Variants in DMD observed in about 807,000 individuals in gnomAD.
DMD encodes mutant dystrophin.
In DMD, 63 loss-of-function variants were observed where a neutral mutation model predicts 330.1. The observed-to-expected ratio is 0.19, with a 90% CI of 0.16 to 0.24. The LOEUF is 0.24. Ranked by LOEUF, DMD falls within the 10% of genes least tolerant of loss-of-function variation. The pLI is 1.00. For synonymous variants in DMD, 1,223 were observed against 959.8 expected (o/e 1.27, Z -5.07); for missense variants, 3,344 against 2,684.1 (o/e 1.25, Z -5.43).
chrX:32,147,029 T>C (rs113884955), intron 44 of DMD, among the ~76,000 whole-genome samples: 1 of 112,083 alleles, frequency 8.9e-6, no homozygotes, highest in African/African-American at 3.2e-5. Context: ...AAATAAATTA[T>C]CGTTTAATTT....
At chrX:32,319,145 T>G (rs1382734036) in intron 41 of DMD, among the ~76,000 whole-genome samples, 1 of 111,700 alleles carries the variant, frequency 9.0e-6, no homozygotes, top group Non-Finnish European at 1.9e-5. Flanking sequence ...CATAAATTAG[T>G]AACTTGATAA....
intron 7 of DMD, among the ~76,000 whole-genome samples, chrX:32,775,435 G>C (rs780322950): frequency 8.9e-6 from 1 of 112,918 alleles, no homozygotes; most frequent in South Asian, 3.6e-4. Flanking sequence ...ACTTCTACCT[G>C]AACATCCAGG....
At chrX:32,722,015 T>A (rs1203653863) in intron 7 of DMD, among the ~76,000 whole-genome samples, 1 of 110,712 alleles carries the variant, frequency 9.0e-6, no homozygotes, top group East Asian at 2.8e-4. Context: ...CATCAGTTTA[T>A]GTGTCTGTTT....
chrX:32,284,837 T>C (rs751837975), intron 43 of DMD, among the ~76,000 whole-genome samples: 1 of 112,148 alleles, frequency 8.9e-6, no homozygotes, highest in Non-Finnish European at 1.9e-5. Context: ...CCAATTCCTA[T>C]AGAATGTCAA....
At chrX:32,385,921 C>A (rs943890733) in intron 33 of DMD, among the ~76,000 whole-genome samples, 2 of 109,568 alleles carry the variant, frequency 1.8e-5, no homozygotes, top group East Asian at 5.7e-4. Flanking sequence ...ATAATATTTA[C>A]CAGTCTTCAA....
chrX:32,313,119 G>T (rs2097570484), intron 41 of DMD, among the ~76,000 whole-genome samples: 1 of 107,266 alleles, frequency 9.3e-6, no homozygotes, highest in South Asian at 4.2e-4. Flanking sequence ...ACCAAAACCT[G>T]GCAAAGACAC....
At chrX:32,376,468 T>C (rs1325961051) in intron 34 of DMD, among the ~76,000 whole-genome samples, 3 of 111,125 alleles carry the variant, frequency 2.7e-5, no homozygotes, top group Non-Finnish European at 5.6e-5. Context: ...ATGATAGTTG[T>C]GATGGGACCT....
chrX:33,123,990 C>T (rs897683559), intron 1 of DMD, among the ~76,000 whole-genome samples: 4 of 106,336 alleles, frequency 3.8e-5, no homozygotes, highest in African/African-American at 1.4e-4. Context: ...CATGGTGAAA[C>T]CCTGTCTCTA....
intron 41 of DMD, among the ~76,000 whole-genome samples, chrX:32,325,519 A>T: frequency 8.9e-6 from 1 of 111,852 alleles, no homozygotes; most frequent in Admixed American, 9.5e-5. Flanking sequence ...TCCCAATATT[A>T]TGGAAGCATA....
chrX:31,728,834 G>A lies in DMD; in HGVS notation c.7660+797C>T, dbSNP rs2086279319. On this transcript the variant is annotated intron_variant, in intron 52 of 78. Coordinates refer to ENST00000357033, the MANE Select transcript of DMD (RefSeq NM_004006.3). ...GCAAGAAAATTCAATACCAGTGTGT[G>A]TCCCTGGAGGGAAGGAAGGTAGAGA... 4.5e-5 allele frequency among the ~76,000 whole-genome samples: 5 copies of A among 111,758 alleles called. No homozygotes were observed. In the Admixed American group the frequency reaches 4.8e-4, roughly 11 times the overall value.
intron 50 of DMD, among the ~76,000 whole-genome samples, chrX:31,801,587 C>A (rs1312016966): frequency 1.3e-5 from 1 of 78,251 alleles, no homozygotes; most frequent in Non-Finnish European, 2.5e-5. Context: ...TCATCCCCCC[C>A]CCCCAACACA....
intron 54 of DMD, among the ~76,000 whole-genome samples, chrX:31,642,947 T>C (rs2079859352): frequency 8.9e-6 from 1 of 112,241 alleles, no homozygotes; most frequent in African/African-American, 3.2e-5. Context: ...TTGCGGTGTA[T>C]ATCAAATTGT....
chrX:32,268,116 G>C (rs1220847937), intron 43 of DMD, among the ~76,000 whole-genome samples: 1 of 111,208 alleles, frequency 9.0e-6, no homozygotes, highest in Admixed American at 9.6e-5. Flanking sequence ...AGAGTGACCA[G>C]CTGGATAGGG....
At chrX:31,410,071 C>T (rs1408069523) in intron 60 of DMD, among the ~76,000 whole-genome samples, 1 of 112,339 alleles carries the variant, frequency 8.9e-6, no homozygotes. Flanking sequence ...CTGCCCACCT[C>T]AGCCTCCCAA....
Position 32,992,760 on chromosome X carries a change from G to A in DMD, c.93+27379C>T, listed in dbSNP as rs192665117. 1.5e-3 allele frequency among the ~76,000 whole-genome samples: 166 copies of A among 109,510 alleles called. 1 individual carries two copies. Among genetic ancestry groups the A allele is most frequent in the African/African-American group, 5.2e-3 (155 of 30,063 alleles). ...CGTCTCTACTAAAATACAAAAATTA[G>A]CTGGGCATGGTGGCAGGTGCCTGTA... On this transcript the variant is annotated intron_variant, in intron 2 of 78. Coordinates refer to ENST00000357033, the MANE Select transcript of DMD (RefSeq NM_004006.3).
chrX:32,107,364 GTGTGTGTGTC>G (rs1267905906), intron 44 of DMD, among the ~76,000 whole-genome samples: 1,112 of 93,822 alleles, frequency 0.012, 14 homozygotes, highest in African/African-American at 0.05. Context: ...GTGTGTGTGT[GTGTGTGTGTC>G]TCTGTGTGTG....
chrX:33,144,511 G>A lies in DMD; in HGVS notation c.31+66771C>T, dbSNP rs906480749. On this transcript the variant is annotated intron_variant, in intron 1 of 78. Transcript: ENST00000357033. ...TATCCTGATTTGATTATTACAGATT[G>A]TATGCCTGTATCAAAATATCACATG... 4.5e-5 allele frequency among the ~76,000 whole-genome samples: 5 copies of A among 111,848 alleles called. No homozygotes were observed. The South Asian group carries it at 1.5e-3, about 33-fold the overall frequency.
chrX:32,419,409 C>A (rs2098180320), intron 29 of DMD, among the ~76,000 whole-genome samples: 1 of 112,087 alleles, frequency 8.9e-6, no homozygotes, highest in Non-Finnish European at 1.9e-5. Flanking sequence ...TAAATTAAAA[C>A]CATGTTGCTT....
At chrX:32,119,858 G>C (rs1301474800) in intron 44 of DMD, among the ~76,000 whole-genome samples, 1 of 111,585 alleles carries the variant, frequency 9.0e-6, no homozygotes, top group Non-Finnish European at 1.9e-5. Flanking sequence ...CTTCATTTTG[G>C]GACTGATTCC....
Sources: allele counts gnomAD v4.1 joint callset (sites outside exome capture counted in the v4.1 genomes callset), GRCh38; gene constraint gnomAD v4.1.1; transcripts MANE v1.5; gene names NCBI Gene and HGNC (gene_info 2026-07-23, HGNC 2026-07-21).